Variants in PGM5 observed in about 807,000 individuals in gnomAD.
The protein encoded by PGM5 is phosphoglucomutase 5.
In PGM5, 23 loss-of-function variants were observed where a neutral mutation model predicts 59.2. That is an observed-to-expected ratio of 0.39 (90% CI 0.28 to 0.55). The LOEUF (loss-of-function observed/expected upper bound fraction) is 0.55. PGM5 is among the 20% of genes least tolerant of loss of function. The probability of loss-of-function intolerance (pLI) is 0.66; values close to 1 mark genes in which losing one functional copy is unlikely to be tolerated. For synonymous variants in PGM5, 214 were observed against 286.0 expected (o/e 0.75, Z 2.54); for missense variants, 574 against 748.3 (o/e 0.77, Z 2.72).
chr9:68,382,274 A>G (rs1822097518), intron 2 of PGM5, among the ~76,000 whole-genome samples: 1 of 151,688 alleles, frequency 6.6e-6, no homozygotes. Context: ...ATGGAGAAAG[A>G]AAAAAACCTC....
chr9:68,455,070 A>G (rs1056392910), intron 6 of PGM5, among the ~76,000 whole-genome samples: 22 of 152,294 alleles, frequency 1.4e-4, no homozygotes, highest in African/African-American at 4.3e-4. Flanking sequence ...GCATCCCTTG[A>G]TATATGCTCG....
intron 6 of PGM5, among the ~76,000 whole-genome samples, chr9:68,453,207 C>T (rs1225992169): frequency 6.6e-6 from 1 of 152,162 alleles, no homozygotes; most frequent in Admixed American, 6.5e-5. Flanking sequence ...TAGTCTCTTA[C>T]CTTTTCATAA....
intron 10 of PGM5, among the ~76,000 whole-genome samples, chr9:68,522,146 T>A (rs1215867838): frequency 2.6e-5 from 4 of 152,116 alleles, no homozygotes; most frequent in Non-Finnish European, 5.9e-5. Context: ...TCCCAGCTAC[T>A]CAGGAGGCTG....
intron 4 of PGM5, among the ~76,000 whole-genome samples, chr9:68,388,559 C>T (rs1193840462): frequency 1.3e-5 from 2 of 151,506 alleles, no homozygotes; most frequent in African/African-American, 4.9e-5. Context: ...TTGATTTACT[C>T]GTACATTTTG....
In PGM5 at chr9:68,381,668, A is replaced by G. The variant is rs1171589928; in HGVS notation, c.425-2730A>G. Among the ~76,000 whole-genome samples the G allele has an allele frequency of 2.0e-5, 3 of 151,514 alleles. No individual in the cohort carries two copies. In the East Asian group the frequency reaches 5.8e-4, roughly 29 times the overall value. The stretch of plus-strand genomic sequence containing the variant: ...CACACACACACACACACAAACACAC[A>G]CACAAATTTTTAGAACTAATAAATG... On this transcript the variant is annotated intron_variant, in intron 2 of 10. Transcript: ENST00000396396.
At chr9:68,417,667 G>A (rs184621169) in intron 6 of PGM5, among the ~76,000 whole-genome samples, 28 of 152,220 alleles carry the variant, frequency 1.8e-4, no homozygotes, top group African/African-American at 5.5e-4. Context: ...ATATAAATGC[G>A]ACACAATTCT....
chr9:68,495,106 C>T (rs1254803677), intron 9 of PGM5, among the ~76,000 whole-genome samples: 1 of 152,194 alleles, frequency 6.6e-6, no homozygotes, highest in Non-Finnish European at 1.5e-5. Flanking sequence ...AGCTTGTTAG[C>T]TAATGAAGAA....
At chr9:68,436,889 C>T (rs1422059344) in intron 6 of PGM5, among the ~76,000 whole-genome samples, 1 of 152,178 alleles carries the variant, frequency 6.6e-6, no homozygotes, top group African/African-American at 2.4e-5. Flanking sequence ...TACCATCCAC[C>T]CAGATGTATT....
At chr9:68,501,087 A>G (rs1824566459) in intron 10 of PGM5, among the ~76,000 whole-genome samples, 1 of 152,018 alleles carries the variant, frequency 6.6e-6, no homozygotes. Context: ...CACATTTCTC[A>G]TCCTGTTGGT....
intron 10 of PGM5, among the ~76,000 whole-genome samples, chr9:68,503,261 T>C (rs1824606858): frequency 6.6e-6 from 1 of 152,196 alleles, no homozygotes; most frequent in African/African-American, 2.4e-5. Flanking sequence ...AAGTTGAAAA[T>C]GCATTGAATA....
Position 68,483,851 on chromosome 9 carries a change from T to C in PGM5, c.1296-14T>C. On this transcript the variant is annotated splice_polypyrimidine_tract_variant and intron_variant, in intron 8 of 10. Coordinates refer to ENST00000396396, the MANE Select transcript of PGM5 (RefSeq NM_021965.4). ...TCTCTGATTAGGTTTCTGTTCCTCC[T>C]GTGTCCTCACCAGGTTTGACTATGA... 6.2e-7 allele frequency: 1 copy of C among 1,613,184 alleles called. No individual in the cohort carries two copies. Among genetic ancestry groups the C allele is most frequent in the Non-Finnish European group, 8.5e-7 (1 of 1,179,198 alleles).
intron 1 of PGM5, among the ~76,000 whole-genome samples, chr9:68,373,828 G>C (rs1273385977): frequency 5.9e-5 from 9 of 152,218 alleles, no homozygotes; most frequent in African/African-American, 2.2e-4. Flanking sequence ...TGGGGACCCA[G>C]TTTCCTTCCC....
rs1242244641 is a variant in PGM5 at position 68,530,554 on chromosome 9, G to A, written c.*898G>A. On this transcript the variant is annotated 3_prime_UTR_variant, in exon 11 of 11. Transcript: ENST00000396396. ...GAGCTCTTTGACTTGGCCAATAGGGGCCTATCTTAATGCACTTGTTTGGAC... is the reference window on the plus strand; with the variant it reads ...GAGCTCTTTGACTTGGCCAATAGGGACCTATCTTAATGCACTTGTTTGGAC... 1 of 152,222 alleles carries A rather than the reference G, an allele frequency of 6.6e-6. No individual in the cohort carries two copies. Among genetic ancestry groups the A allele is most frequent in the Non-Finnish European group, 1.5e-5 (1 of 68,070 alleles). 9.4% of individuals were successfully genotyped at this position (152,222 alleles called of 1,614,324 possible). A position where few individuals can be genotyped will look rare whatever the true frequency, so the allele number is the denominator to read the frequency against.
At chr9:68,500,014 A>T (rs1293214840) in intron 10 of PGM5, among the ~76,000 whole-genome samples, 6 of 152,038 alleles carry the variant, frequency 3.9e-5, no homozygotes, top group Admixed American at 3.9e-4. Flanking sequence ...ACCAGAAATG[A>T]CTCACTTTAA....
chr9:68,359,234 A>G (rs1388059675), intron 1 of PGM5, among the ~76,000 whole-genome samples: 3 of 152,244 alleles, frequency 2.0e-5, no homozygotes, highest in Admixed American at 2.0e-4. Context: ...ATTAACTCTA[A>G]GAGTGGAATT....
chr9:68,479,858 C>T (rs1260340411), intron 8 of PGM5, among the ~76,000 whole-genome samples: 5 of 148,534 alleles, frequency 3.4e-5, no homozygotes, highest in Non-Finnish European at 7.4e-5. Context: ...GGCGTGAACC[C>T]GGAAGGCGGA....
At chr9:68,440,631 G>T (rs1823510129) in intron 6 of PGM5, among the ~76,000 whole-genome samples, 3 of 152,056 alleles carry the variant, frequency 2.0e-5, no homozygotes, top group Admixed American at 1.3e-4. Context: ...AAATTAAAAT[G>T]AAAATACATC....
chr9:68,458,397 T>C (rs1823810608), intron 6 of PGM5, among the ~76,000 whole-genome samples: 1 of 152,220 alleles, frequency 6.6e-6, no homozygotes, highest in South Asian at 2.1e-4. Context: ...GGTCCACCTT[T>C]ATTTGTTTTA....
intron 8 of PGM5, among the ~76,000 whole-genome samples, chr9:68,483,352 A>C (rs1824231345): frequency 6.6e-6 from 1 of 152,220 alleles, no homozygotes. Flanking sequence ...TAATGGTGAC[A>C]GTGGGTTTGA....
Sources: gnomAD v4.1 joint callset for allele counts (sites outside exome capture counted in the v4.1 genomes callset) on GRCh38, gnomAD v4.1.1 for gene constraint, MANE v1.5 for transcripts, NCBI Gene and HGNC (gene_info 2026-07-23, HGNC 2026-07-21) for gene names.